TENM1: variants seen among roughly 807,000 people sequenced by gnomAD.
TENM1 encodes teneurin transmembrane protein 1, also known as teneurin-1.
TENM1 carries 35 observed loss-of-function variants against 174.8 expected under a neutral mutation model. The ratio of observed to expected loss-of-function variants is 0.20; its 90% CI spans 0.15 to 0.27. TENM1 has a LOEUF of 0.27. Ranked by LOEUF, TENM1 falls within the 10% of genes least tolerant of loss-of-function variation. The pLI, the probability that TENM1 is intolerant of heterozygous loss-of-function variation, is 1.00. For missense variants in TENM1, 1,633 were observed against 2,130.1 expected (o/e 0.77, Z 4.59); for synonymous variants, 781 against 798.7 (o/e 0.98, Z 0.37).
intron 21 of TENM1, among the ~76,000 whole-genome samples, chrX:124,486,797 T>A (rs1281430507): frequency 8.9e-6 from 1 of 111,944 alleles, no homozygotes; most frequent in Non-Finnish European, 1.9e-5. Context: ...GGTCACTGTC[T>A]CTTAATACAC....
At chrX:125,132,858 G>A in the TENM1 span, among the ~76,000 whole-genome samples, 1 of 111,079 alleles carries the variant, frequency 9.0e-6, no homozygotes, top group Admixed American at 9.6e-5. Flanking sequence ...TCTGAGCTCC[G>A]GTTTACTCAA....
At chrX:125,056,661 C>T in the TENM1 span, among the ~76,000 whole-genome samples, 9 of 110,906 alleles carry the variant, frequency 8.1e-5, no homozygotes, top group Admixed American at 8.7e-4. Context: ...AATTTTGTAA[C>T]CAGAACAGCA....
At chrX:124,708,710 C>G (rs758202868) in intron 4 of TENM1, among the ~76,000 whole-genome samples, 1 of 110,740 alleles carries the variant, frequency 9.0e-6, no homozygotes, top group East Asian at 2.8e-4. Context: ...GTATGGGCAA[C>G]GTTATTCAAT....
intron 8 of TENM1, among the ~76,000 whole-genome samples, chrX:124,647,067 C>T (rs2051178773): frequency 1.8e-5 from 2 of 111,410 alleles, no homozygotes; most frequent in South Asian, 7.5e-4. Flanking sequence ...CTCTAAAGCA[C>T]ATAAATGTTC....
the TENM1 span, among the ~76,000 whole-genome samples, chrX:125,105,638 A>G: frequency 8.9e-6 from 1 of 111,740 alleles, no homozygotes; most frequent in East Asian, 2.8e-4. Flanking sequence ...GTTGACAGAA[A>G]TAAGGAAGTC....
chrX:124,515,453 A>G (rs1256484667), intron 18 of TENM1, among the ~76,000 whole-genome samples: 2 of 111,843 alleles, frequency 1.8e-5, no homozygotes, highest in African/African-American at 6.5e-5. Flanking sequence ...AAATCCCCAT[A>G]GATTTGGTCC....
At chrX:125,157,180 C>A in the TENM1 span, among the ~76,000 whole-genome samples, 1 of 112,298 alleles carries the variant, frequency 8.9e-6, no homozygotes, top group Admixed American at 9.4e-5. Flanking sequence ...CTCTCCCTAG[C>A]TGATCTTAAT....
intron 3 of TENM1, among the ~76,000 whole-genome samples, chrX:124,880,720 G>T (rs182603013): frequency 9.0e-6 from 1 of 111,007 alleles, no homozygotes; most frequent in African/African-American, 3.3e-5. Context: ...TTTTTTGAGA[G>T]GTTTTTAATT....
chrX:125,090,907 AT>A, the TENM1 span, among the ~76,000 whole-genome samples: 613 of 111,723 alleles, frequency 5.5e-3, 3 homozygotes, highest in African/African-American at 0.018. Context: ...ATCAAGGGGA[AT>A]GGGGGAAAAT....
At chrX:124,986,701 G>A in the TENM1 span, among the ~76,000 whole-genome samples, 1 of 111,280 alleles carries the variant, frequency 9.0e-6, no homozygotes, top group African/African-American at 3.3e-5. Context: ...GGGTGCAGTG[G>A]TGCGATCTCA....
intron 3 of TENM1, among the ~76,000 whole-genome samples, chrX:124,868,519 GA>G (rs1257432666): frequency 2.7e-5 from 3 of 111,315 alleles, no homozygotes; most frequent in African/African-American, 9.8e-5. Context: ...CTCAGCCTAC[GA>G]AACTACTACA....
intron 1 of TENM1, among the ~76,000 whole-genome samples, chrX:124,940,274 A>G (rs1159208418): frequency 6.3e-5 from 7 of 111,833 alleles, no homozygotes; most frequent in African/African-American, 2.3e-4. Context: ...CTGCTTCTAT[A>G]TCAGGGTGGT....
the TENM1 span, among the ~76,000 whole-genome samples, chrX:125,143,715 C>A: frequency 9.0e-6 from 1 of 111,722 alleles, no homozygotes; most frequent in Non-Finnish European, 1.9e-5. Context: ...CACAAGATTT[C>A]CCTGAAAAGA....
intron 25 of TENM1, among the ~76,000 whole-genome samples, chrX:124,414,561 C>T (rs1156321289): frequency 9.0e-6 from 1 of 110,841 alleles, no homozygotes; most frequent in Non-Finnish European, 1.9e-5. Context: ...GCTTTTCCCC[C>T]TGACACTTGG....
chrX:124,453,356 G>A (rs1360128375), exon 23 of TENM1: 1 of 1,208,502 alleles, frequency 8.3e-7, no homozygotes, highest in South Asian at 1.8e-5. Flanking sequence ...GTCCATTCCT[G>A]AGTCACAGCT....
At chrX:124,952,267 A>G (rs1406496707) in intron 1 of TENM1, among the ~76,000 whole-genome samples, 1 of 110,335 alleles carries the variant, frequency 9.1e-6, no homozygotes, top group East Asian at 2.8e-4. Flanking sequence ...AGAAAATGCA[A>G]TCAATAGAAA....
rs757776288 is a variant in TENM1, at chrX:124,384,408, T to C, written c.6523A>G (p.Thr2175Ala). The stretch of plus-strand genomic sequence containing the variant: ...AGATCGTAACTATAACGCCACTGGG[T>C]TTTGTCATTTACAGAAACAGTCTGA... Residue 2175 changes from threonine (T) to alanine (A), a missense_variant, in exon 30 of 32, where the codon ACC becomes GCC. By Grantham distance (58) the Thr-to-Ala change is moderately conservative. Transcript: ENST00000422452. The C allele has an allele frequency of 2.3e-5, 28 of 1,208,811 alleles. No individual in the cohort carries two copies. The highest frequency in any genetic ancestry group is 4.6e-4 in the Middle Eastern group (2 of 4,373).
chrX:125,173,491 A>T, the TENM1 span, among the ~76,000 whole-genome samples: 2 of 111,115 alleles, frequency 1.8e-5, no homozygotes, highest in Admixed American at 1.9e-4. Flanking sequence ...GTATAGTGCT[A>T]GGTCCTGGGA....
intron 11 of TENM1, among the ~76,000 whole-genome samples, chrX:124,623,175 A>G (rs2050558126): frequency 8.9e-6 from 1 of 111,937 alleles, no homozygotes; most frequent in Non-Finnish European, 1.9e-5. Flanking sequence ...GTAAATATGC[A>G]TGGGTGTATA....
Sources: gnomAD v4.1 joint callset for allele counts (sites outside exome capture counted in the v4.1 genomes callset) on GRCh38, gnomAD v4.1.1 for gene constraint, MANE v1.5 for transcripts, NCBI Gene and HGNC (gene_info 2026-07-23, HGNC 2026-07-21) for gene names.